The following IGSF22 variants were observed in gnomAD, a reference collection of about 807,000 sequenced individuals.
IGSF22 encodes immunoglobulin superfamily, member 22.
A neutral mutation model predicts 127.0 loss-of-function variants in IGSF22; 119 were observed. The ratio of observed to expected loss-of-function variants is 0.94; its 90% CI spans 0.81 to 1.09. IGSF22 has a LOEUF of 1.09. Among genes scored for constraint, IGSF22 ranks in the 50% least tolerant of loss-of-function variants. IGSF22 has a pLI of 0.00. For synonymous variants in IGSF22, 568 were observed against 664.7 expected, an observed-to-expected ratio of 0.85 and a Z score of 2.24; for missense variants, 1,518 against 1,716.6, an observed-to-expected ratio of 0.88 and a Z score of 2.04.
intron 4 of IGSF22, among the ~76,000 whole-genome samples, 153 bp from the exon 5 acceptor site, chr11:18,720,438 G>A (rs183961150): frequency 2.0e-5 from 3 of 152,068 alleles, no homozygotes; most frequent in Admixed American, 6.6e-5. Context: ...TGTATGATTT[G>A]GAGGTACCAG....
Position 18,706,897 on chromosome 11 carries a change from G to A in IGSF22, c.3580+17C>T, listed in dbSNP as rs1056872660. The A allele has an allele frequency of 1.4e-6, 2 of 1,471,934 alleles. No individual in the cohort carries two copies. The highest frequency in any genetic ancestry group is 1.8e-6 in the Non-Finnish European group (2 of 1,104,690). 91.2% of individuals were successfully genotyped at this position (1,471,934 alleles called of 1,614,324 possible). A position where few individuals can be genotyped will look rare whatever the true frequency, so the allele number is the denominator to read the frequency against. ...AGGGCACCCAGACTTAACCCTAACT[G>A]CAAGTCCCAGACTCACTCTGGTCCT... is the stretch of plus-strand genomic sequence containing the variant. On this transcript the variant is annotated intron_variant, in intron 21 of 22. Coordinates refer to ENST00000513874, the MANE Select transcript of IGSF22 (RefSeq NM_173588.4).
chr11:18,708,898 G>A (rs1848298120), intron 18 of IGSF22, among the ~76,000 whole-genome samples: 1 of 152,200 alleles, frequency 6.6e-6, no homozygotes, highest in Non-Finnish European at 1.5e-5. Context: ...TAGAGCCTAA[G>A]ATTGGTGGTT....
At position 18,716,708 on chromosome 11, in the gene IGSF22, G is replaced by C. The variant is rs376250124; in HGVS notation, c.1246+20C>G. 3.7e-6 allele frequency: 6 copies of C among 1,610,486 alleles called. No individual in the cohort carries two copies. In the African/African-American group the frequency reaches 6.7e-5, roughly 18 times the overall value. On this transcript the variant is annotated intron_variant, in intron 10 of 22. Transcript: ENST00000513874. The surrounding 1 kb of genome is among the most constrained non-coding windows in gnomAD (Gnocchi z 4.5). ...CTGTGCCATAAAGCCCACCCCTTAG[G>C]CTCTTGCCCAACCACTCACGGTCAA...
Position 18,714,553 on chromosome 11 carries a change from C to T in IGSF22, c.1603G>A (p.Val535Ile), listed in dbSNP as rs1848424124. The T allele has an allele frequency of 1.2e-6, 2 of 1,614,110 alleles. No homozygotes were observed. Among genetic ancestry groups the T allele is most frequent in the Non-Finnish European group, 8.5e-7 (1 of 1,180,048 alleles). ...TCCACCTTCTCGTCATTCAGCACTACACACAACTCAGCTGGGCTCCCAGTG... is the reference window on the plus strand; with the variant it reads ...TCCACCTTCTCGTCATTCAGCACTATACACAACTCAGCTGGGCTCCCAGTG... Reference protein sequence around the residue: ...AATGSPAELCVVLNDEKVEGV... With the variant: ...AATGSPAELCIVLNDEKVEGV... Residue 535 changes from valine to isoleucine, a missense_variant, in exon 12 of 23, where the codon GTA (valine) becomes ATA (isoleucine). Physicochemically the swap from Val to Ile is conservative, Grantham distance 29. Transcript: ENST00000513874.
In IGSF22 at chr11:18,705,993, G is replaced by T. The variant is rs759693901; in HGVS notation, c.3734C>A (p.Thr1245Asn). ...GATGTTGACGTCGCCCTTGTAGAGG[G>T]TCACTGTGGGCCGCGGGTTCCCAAG... ...AFLGNPRPTV[T>N]LYKGDVNITA... Residue 1245 changes from threonine (T) to asparagine (N), a missense_variant, in exon 22 of 23, where the codon ACC becomes AAC. Thr to Asn is a moderately conservative substitution (Grantham distance 65). This residue lies in a region of IGSF22 where 1,456 missense variants were observed against 1,644.9 expected (regional missense o/e 0.89). Coordinates refer to ENST00000513874, the MANE Select transcript of IGSF22 (RefSeq NM_173588.4). 3.9e-6 allele frequency: 6 copies of T among 1,551,716 alleles called. No individual in the cohort carries two copies. The East Asian group carries it at 9.8e-5, about 25-fold the overall frequency.
intron 18 of IGSF22, 91 bp from the exon 19 acceptor site, chr11:18,708,386 C>T: frequency 2.1e-6 from 2 of 953,652 alleles, no homozygotes; most frequent in Non-Finnish European, 3.1e-6. Flanking sequence ...CCCAACCTCT[C>T]CTCCTTTATG....
chr11:18,705,315 CTA>C (rs1473945673), intron 22 of IGSF22: 1 of 157,104 alleles, frequency 6.4e-6, no homozygotes, highest in African/African-American at 2.4e-5. Flanking sequence ...ATGCTTCCCC[CTA>C]TGTGTGCACA....
At position 18,719,769 on chromosome 11, in the gene IGSF22, A is replaced by G; in HGVS notation, c.643T>C (p.Phe215Leu). 6.2e-7 allele frequency: 1 copy of G among 1,614,200 alleles called. No individual in the cohort carries two copies. The highest frequency in any genetic ancestry group is 8.5e-7 in the Non-Finnish European group (1 of 1,180,044). ...KVCMEYGFTD[F>L]RGLLRKLKEM... ...TTGAGCTTCCTGAGCAGCCCCCGAA[A>G]GTCGGTGAAACCATACTCCATGCAC... The change falls in exon 7 of 23, where the codon TTT becomes CTT. Residue 215 changes from phenylalanine (F) to leucine (L), a missense_variant. Phe to Leu is a conservative substitution (Grantham distance 22). This residue lies in a region of IGSF22 where 1,456 missense variants were observed against 1,644.9 expected (regional missense o/e 0.89). Coordinates refer to ENST00000513874, the MANE Select transcript of IGSF22 (RefSeq NM_173588.4).
intron 17 of IGSF22, 56 bp downstream of exon 17, chr11:18,710,271 C>G: frequency 1.9e-6 from 3 of 1,592,096 alleles, no homozygotes; most frequent in Non-Finnish European, 2.6e-6. Context: ...AATTCTTTCT[C>G]TACTTTGAAT....
rs1024564006 is a variant in IGSF22 at position 18,709,990 on chromosome 11, G to A, written c.2702-307C>T. Among the ~76,000 whole-genome samples, 2 of 152,162 alleles carry A rather than the reference G, an allele frequency of 1.3e-5. No individual in the cohort carries two copies. The highest frequency in any genetic ancestry group is 1.3e-4 in the Admixed American group (2 of 15,302). On this transcript the variant is annotated intron_variant, in intron 17 of 22. Coordinates refer to ENST00000513874, the MANE Select transcript of IGSF22 (RefSeq NM_173588.4). The surrounding 1 kb of genome is among the most constrained non-coding windows in gnomAD (Gnocchi z 4.8). ...ACCATCTCCACCACATCCACTTCCA[G>A]GCAGTACCTTCACCTTGCTTCCTAA...
chr11:18,707,021 C>T lies in IGSF22; in HGVS notation c.3473G>A (p.Gly1158Glu), dbSNP rs1848249808. 6.4e-7 allele frequency: 1 copy of T among 1,551,448 alleles called. No individual in the cohort carries two copies. The highest frequency in any genetic ancestry group is 1.4e-5 in the African/African-American group (1 of 73,042). Residue 1158 changes from glycine (G) to glutamate (E), a missense_variant, in exon 21 of 23, where the codon GGG becomes GAG. Gly to Glu is a moderately conservative substitution (Grantham distance 98, BLOSUM62 -2). Coordinates refer to ENST00000513874, the MANE Select transcript of IGSF22 (RefSeq NM_173588.4). Reference sequence around the variant, plus strand: ...GTAGTACTTCCTGCCTGGGAGCAGCCCCGTCACTGTGTACTTGTTGCTGAA... The same window carrying T: ...GTAGTACTTCCTGCCTGGGAGCAGCTCCGTCACTGTGTACTTGTTGCTGAA... ...RVFSNKYTVT[G>E]LLPGRKYYFR...
rs1347509203 is a variant in IGSF22 at position 18,704,589 on chromosome 11, G to A, written c.3911-51C>T. On this transcript the variant is annotated intron_variant, in intron 22 of 22. Coordinates refer to ENST00000513874, the MANE Select transcript of IGSF22 (RefSeq NM_173588.4). ...TATATTAATGATGCTGGCGACCAGG[G>A]AAATTCCAAACTGCTGGACTTCCTA... 3.4e-6 allele frequency: 4 copies of A among 1,187,390 alleles called. No homozygotes were observed. The Admixed American group carries it at 7.9e-5, about 24-fold the overall frequency. 73.6% of individuals were successfully genotyped at this position (1,187,390 alleles called of 1,614,324 possible).
chr11:18,713,779 G>A, intron 14 of IGSF22, 73 bp downstream of exon 14: 2 of 1,254,960 alleles, frequency 1.6e-6, no homozygotes, highest in South Asian at 2.9e-5. Flanking sequence ...CTCCTACTCA[G>A]CCTGCCTTCT....
rs756471637 is a variant in IGSF22 at position 18,718,051 on chromosome 11, C to A, written c.853G>T (p.Asp285Tyr). The A allele has an allele frequency of 6.2e-7, 1 of 1,614,220 alleles. No individual in the cohort carries two copies. Among genetic ancestry groups the A allele is most frequent in the East Asian group, 2.2e-5 (1 of 44,886 alleles). ...LRIQYSLGKY[D>Y]VKQMGTKYML... Reference sequence around the variant, plus strand: ...TACTTGGTGCCCATCTGCTTCACATCGTACTTGCCCAGGGAGTACTGGATC... The same window carrying A: ...TACTTGGTGCCCATCTGCTTCACATAGTACTTGCCCAGGGAGTACTGGATC... The change falls in exon 9 of 23, where the codon GAT (aspartate) becomes TAT (tyrosine). Residue 285 changes from aspartate (D) to tyrosine (Y), a missense_variant. Transcript: ENST00000513874.
rs1848461199 is a variant in IGSF22 at position 18,716,229 on chromosome 11, C to G, written c.1246+499G>C. On this transcript the variant is annotated intron_variant, in intron 10 of 22. Transcript: ENST00000513874. This position sits in a 1 kb window ranked among gnomAD's most constrained non-coding sequence, Gnocchi z 4.5. Reference sequence around the variant, plus strand: ...TTTCATTATATCATTTCTGATGTTGCCAGGTGATGCCTTTTCTTTGGTCTT... The same window carrying G: ...TTTCATTATATCATTTCTGATGTTGGCAGGTGATGCCTTTTCTTTGGTCTT... Among the ~76,000 whole-genome samples, 1 of 152,154 alleles carries G rather than the reference C, an allele frequency of 6.6e-6. No homozygotes were observed. The highest frequency in any genetic ancestry group is 2.4e-5 in the African/African-American group (1 of 41,418).
chr11:18,708,086 C>T, intron 19 of IGSF22, 90 bp from the exon 20 acceptor site: 1 of 1,550,056 alleles, frequency 6.5e-7, no homozygotes, highest in Admixed American at 1.7e-5. Context: ...TCCTGCCAGG[C>T]TGTCGCACTA....
At chr11:18,710,875 G>A (rs1848342697) in intron 15 of IGSF22, 47 bp from the exon 16 acceptor site, 6 of 1,531,764 alleles carry the variant, frequency 3.9e-6, no homozygotes, top group Non-Finnish European at 5.4e-6. Flanking sequence ...GGAGCATGTA[G>A]ATATTTGCCC....
intron 22 of IGSF22, among the ~76,000 whole-genome samples, chr11:18,704,975 G>A (rs1362993648): frequency 6.6e-6 from 1 of 152,190 alleles, no homozygotes; most frequent in Non-Finnish European, 1.5e-5. Flanking sequence ...CCTCTCTGGA[G>A]ATATTGTCTC....
At position 18,713,845 on chromosome 11, in the gene IGSF22, C is replaced by G; in HGVS notation, c.2095+7G>C. ...CTCAGCCCAGCCCGGACTGGCCCTG[C>G]CCTGACCCAGCACACTAAGGTGCAG... On this transcript the variant is annotated splice_region_variant and intron_variant, in intron 14 of 22. Coordinates refer to ENST00000513874, the MANE Select transcript of IGSF22 (RefSeq NM_173588.4). 1 of 1,606,706 alleles carries G rather than the reference C, an allele frequency of 6.2e-7. No individual in the cohort carries two copies. The highest frequency in any genetic ancestry group is 8.5e-7 in the Non-Finnish European group (1 of 1,176,534).
Sources: gnomAD v4.1 joint callset for allele counts (sites outside exome capture counted in the v4.1 genomes callset) on GRCh38, gnomAD v4.1.1 for gene constraint, gnomAD v4.1.1 regional missense constraint, Gnocchi (gnomAD v3.1) non-coding constraint, MANE v1.5 for transcripts, NCBI Gene and HGNC (gene_info 2026-07-23, HGNC 2026-07-21) for gene names.